TCF20: variants seen among roughly 807,000 people sequenced by gnomAD.
The protein encoded by TCF20 is SPRE-binding protein.
TCF20 carries 3 observed loss-of-function variants against 148.6 expected under a neutral mutation model. The observed-to-expected ratio is 0.02, with a 90% confidence interval of 0.01 to 0.05. TCF20 has a LOEUF of 0.05. Among genes scored for constraint, TCF20 ranks in the 10% least tolerant of loss-of-function variants. The probability of loss-of-function intolerance (pLI) is 1.00; values close to 1 mark genes in which losing one functional copy is unlikely to be tolerated. For synonymous variants in TCF20, 1,049 were observed against 909.5 expected (o/e 1.15, Z -2.76); for missense variants, 2,350 against 2,429.3 (o/e 0.97, Z 0.69).
chr22:42,228,084 C>A (rs1402895930), intron 1 of TCF20, among the ~76,000 whole-genome samples: 4 of 152,164 alleles, frequency 2.6e-5, no homozygotes, highest in Non-Finnish European at 5.9e-5. Context: ...GGGTTTTAAA[C>A]TATAGAGTGG....
rs1410054611 is a variant in TCF20 at position 42,194,865 on chromosome 22, C to A, written c.5655+14786G>T. On this transcript the variant is annotated intron_variant, in intron 2 of 5. Coordinates refer to ENST00000677622, the MANE Select transcript of TCF20 (RefSeq NM_001378418.1). ...GGCCTCTGAGGCCTTACTGACTCAG[C>A]CCTCCCTTTGGCCGAGTTAGGTGTA... Among the ~76,000 whole-genome samples the A allele has an allele frequency of 3.3e-5, 5 of 151,826 alleles. No homozygotes were observed. In the South Asian group the frequency reaches 1.0e-3, roughly 32 times the overall value.
At chr22:42,174,721 T>A (rs5751234) in intron 3 of TCF20, among the ~76,000 whole-genome samples, 9,372 of 144,484 alleles carry the variant, frequency 0.065, 761 homozygotes, top group East Asian at 0.46. Flanking sequence ...TCAAAAAAAA[T>A]TTTTTTTTTT....
chr22:42,230,582 T>C (rs1298266468), intron 1 of TCF20, among the ~76,000 whole-genome samples: 3 of 151,300 alleles, frequency 2.0e-5, no homozygotes, highest in African/African-American at 7.3e-5. Flanking sequence ...GAGGTGGAGG[T>C]TGCAGTGAGC....
Position 42,317,650 on chromosome 22 carries a change from G to A in TCF20, c.-37+25829C>T, listed in dbSNP as rs980167900. 6.6e-6 allele frequency among the ~76,000 whole-genome samples: 1 copy of A among 152,154 alleles called. No individual in the cohort carries two copies. Among genetic ancestry groups the A allele is most frequent in the Non-Finnish European group, 1.5e-5 (1 of 68,028 alleles). On this transcript the variant is annotated intron_variant, in intron 1 of 1. Transcript: ENST00000515426. This position sits in a 1 kb window ranked among gnomAD's most constrained non-coding sequence, Gnocchi z 4.2. ...TGCTCCTGCATTCCCGCTGGGGGCT[G>A]GGGGGGAAAGGGGTGTAGACTCAGC...
intron 2 of TCF20, among the ~76,000 whole-genome samples, chr22:42,198,665 G>GT (rs56309420): frequency 0.081 from 11,378 of 140,500 alleles, 1,304 homozygotes; most frequent in African/African-American, 0.26. Flanking sequence ...ATTTTTCCAA[G>GT]TTTTTTTTTT....
At chr22:42,249,229 AG>A (rs1290326511) in intron 1 of TCF20, among the ~76,000 whole-genome samples, 11 of 152,164 alleles carry the variant, frequency 7.2e-5, no homozygotes, top group Admixed American at 7.2e-4. Flanking sequence ...CCTGGTTCTG[AG>A]GCCTTTGGAT....
chr22:42,216,899 G>A (rs1921866853), intron 1 of TCF20, among the ~76,000 whole-genome samples: 1 of 152,108 alleles, frequency 6.6e-6, no homozygotes, highest in Non-Finnish European at 1.5e-5. Flanking sequence ...AGAGATGAAA[G>A]GGACAAGGCC....
Position 42,211,174 on chromosome 22 carries a change from C to G in TCF20, c.4132G>C (p.Asp1378His). Residue 1378 changes from aspartate (D) to histidine (H), a missense_variant, in exon 2 of 6, where the codon GAC (aspartate) becomes CAC (histidine). Transcript: ENST00000677622. ...ASSNSAEAGG[D>H]TVTLDDILSL... ...AGTATATCATCAAGCGTAACCGTGT[C>G]TCCCCCAGCCTCCGCACTGTTCGAA... The G allele has an allele frequency of 6.2e-7, 1 of 1,614,214 alleles. No individual in the cohort carries two copies. Among genetic ancestry groups the G allele is most frequent in the Non-Finnish European group, 8.5e-7 (1 of 1,180,046 alleles).
At chr22:42,226,491 G>A (rs1163913268) in intron 1 of TCF20, among the ~76,000 whole-genome samples, 1 of 152,108 alleles carries the variant, frequency 6.6e-6, no homozygotes, top group East Asian at 1.9e-4. Context: ...TCACACCTGA[G>A]GTCAGAAGTT....
chr22:42,324,950 G>C (rs911516492), intron 1 of TCF20, among the ~76,000 whole-genome samples: 2 of 152,244 alleles, frequency 1.3e-5, no homozygotes, highest in African/African-American at 2.4e-5. Context: ...AGCCAGGCTC[G>C]GATGCCTCAT....
chr22:42,174,489 C>T (rs531613819), intron 3 of TCF20, among the ~76,000 whole-genome samples: 1 of 152,270 alleles, frequency 6.6e-6, no homozygotes, highest in Admixed American at 6.5e-5. Context: ...CTGAACACAG[C>T]CTCAGTGGGG....
In TCF20 at chr22:42,213,247, C is replaced by T; in HGVS notation, c.2059G>A (p.Ala687Thr). Residue 687 changes from alanine (A) to threonine (T), a missense_variant, in exon 2 of 6, where the codon GCA (alanine) becomes ACA (threonine). Ala to Thr is a moderately conservative substitution (Grantham distance 58). Around this residue, in one of 7 missense-constraint regions of TCF20, gnomAD observed 1,641 missense variants for 1,662.6 expected, o/e 0.99. Coordinates refer to ENST00000677622, the MANE Select transcript of TCF20 (RefSeq NM_001378418.1). ...GEGNGQSGHSAAGPGFTSRTE... is the reference protein window; with the variant it reads ...GEGNGQSGHSTAGPGFTSRTE... ...CTGCTCGTAAAACCAGGGCCCGCTG[C>T]AGAGTGGCCACTCTGGCCATTTCCT... 1 of 1,614,194 alleles carries T rather than the reference C, an allele frequency of 6.2e-7. No individual in the cohort carries two copies. The highest frequency in any genetic ancestry group is 8.5e-7 in the Non-Finnish European group (1 of 1,180,024).
In TCF20 at chr22:42,214,281, C is replaced by T; in HGVS notation, c.1025G>A (p.Ser342Asn). The change falls in exon 2 of 6, where the codon AGC becomes AAC. Residue 342 changes from serine (S) to asparagine (N), a missense_variant. Around this residue, in one of 7 missense-constraint regions of TCF20, gnomAD observed 1,641 missense variants for 1,662.6 expected, o/e 0.99. Transcript: ENST00000677622. The stretch of plus-strand genomic sequence containing the variant: ...AGGCTGGTTGTACTGCCCCACTTGG[C>T]TTTGCAGGGGCAGCTTGGTGGCAGC... The part of the protein sequence containing the change: ...TNAATKLPLQ[S>N]QVGQYNQPEV... 1 of 1,614,204 alleles carries T rather than the reference C, an allele frequency of 6.2e-7. No individual in the cohort carries two copies. The highest frequency in any genetic ancestry group is 8.5e-7 in the Non-Finnish European group (1 of 1,180,044).
At chr22:42,327,250 A>T (rs2147055638) in intron 1 of TCF20, among the ~76,000 whole-genome samples, 1 of 152,304 alleles carries the variant, frequency 6.6e-6, no homozygotes, top group Middle Eastern at 3.4e-3. Context: ...ATGGTGCTAG[A>T]TGTAACCCTT....
intron 1 of TCF20, among the ~76,000 whole-genome samples, chr22:42,250,361 G>A (rs1183954448): frequency 1.4e-5 from 2 of 147,582 alleles, no homozygotes; most frequent in Non-Finnish European, 1.5e-5. Flanking sequence ...CAGGAAAATC[G>A]CCTGAACCCA....
upstream of TCF20, among the ~76,000 whole-genome samples, chr22:42,288,715 CAAAAAAAAAAAAAAAAAA>C (rs60058670): frequency 1.2e-5 from 1 of 85,304 alleles, no homozygotes; most frequent in Non-Finnish European, 2.1e-5. Flanking sequence ...GACCCTGTAT[CAAAAAAAAAAAAAAAAAA>C]AAAAAAAAAA....
chr22:42,275,758 A>G (rs111806271), intron 1 of TCF20, among the ~76,000 whole-genome samples: 13 of 152,324 alleles, frequency 8.5e-5, no homozygotes, highest in African/African-American at 2.9e-4. Context: ...ATTTGAACTC[A>G]GTCTTCTGGC....
At chr22:42,271,688 C>T (rs1286322450), upstream of TCF20, among the ~76,000 whole-genome samples, 2 of 152,116 alleles carry the variant, frequency 1.3e-5, no homozygotes, top group African/African-American at 4.8e-5. Flanking sequence ...ATTAGATGTC[C>T]CTAATGTTGG....
At position 42,242,218 on chromosome 22, in the gene TCF20, A is replaced by AAAAAAAAAAAAAAAAAAAAAC. The variant is rs1555942526; in HGVS notation, c.-36-26878_-36-26877insGTTTTTTTTTTTTTTTTTTTT. Reference sequence around the variant, plus strand: ...ACTTCGCCTCAAAAAAAAAAAAAAAAAAAAAAAAACAGAAAAGAAAGGGTG... The same window carrying AAAAAAAAAAAAAAAAAAAAAC: ...ACTTCGCCTCAAAAAAAAAAAAAAAAAAAAAAAAAAAAAAAAAAAACAAAAAAAAACAGAAAAGAAAGGGTG... On this transcript the variant is annotated intron_variant, in intron 1 of 5. Coordinates refer to ENST00000677622, the MANE Select transcript of TCF20 (RefSeq NM_001378418.1). Among the ~76,000 whole-genome samples, 140 of 142,554 alleles carry AAAAAAAAAAAAAAAAAAAAAC rather than the reference A, an allele frequency of 9.8e-4. 1 individual carries two copies. Among genetic ancestry groups the AAAAAAAAAAAAAAAAAAAAAC allele is most frequent in the Non-Finnish European group, 1.3e-3 (85 of 65,922 alleles). 93.5% of individuals were successfully genotyped at this position (142,554 alleles called of 152,430 possible).
Sources: allele counts gnomAD v4.1 joint callset (sites outside exome capture counted in the v4.1 genomes callset), GRCh38; gene constraint gnomAD v4.1.1; regional missense constraint gnomAD v4.1.1; non-coding constraint Gnocchi (gnomAD v3.1); transcripts MANE v1.5; gene names NCBI Gene and HGNC (gene_info 2026-07-23, HGNC 2026-07-21).